GAD1: variants seen among roughly 807,000 people sequenced by gnomAD.
GAD1 encodes glutamate decarboxylase 1.
In GAD1, 35 loss-of-function variants were observed where a neutral mutation model predicts 75.2. The observed-to-expected ratio is 0.47, with a 90% CI of 0.36 to 0.62. The LOEUF (loss-of-function observed/expected upper bound fraction) is 0.62, where lower values mean the gene tolerates loss of function less well. Ranked by LOEUF, GAD1 falls within the 20% of genes least tolerant of loss-of-function variation. The pLI, the probability that GAD1 is intolerant of heterozygous loss-of-function variation, is 0.00. For missense variants in GAD1, 490 were observed against 758.5 expected, an observed-to-expected ratio of 0.65 and a Z score of 4.16; for synonymous variants, 257 against 271.9, an observed-to-expected ratio of 0.95 and a Z score of 0.54.
chr2:170,859,678 T>C (rs947702524), intron 16 of GAD1, 31 bp from the exon 17 acceptor site: 2 of 1,611,922 alleles, frequency 1.2e-6, no homozygotes, highest in African/African-American at 2.7e-5. Context: ...CATATCAATC[T>C]TGAGTTTTGT....
At chr2:170,819,256 G>T (rs544977205) in intron 2 of GAD1, among the ~76,000 whole-genome samples, 1 of 151,620 alleles carries the variant, frequency 6.6e-6, no homozygotes, top group Non-Finnish European at 1.5e-5. Flanking sequence ...CTGAGACTGA[G>T]CCTTGACATT....
chr2:170,823,649 A>AC (rs1701951430), intron 3 of GAD1, among the ~76,000 whole-genome samples: 1 of 34,752 alleles, frequency 2.9e-5, no homozygotes, highest in East Asian at 8.8e-4. Flanking sequence ...TCCCACTCCC[A>AC]CCCCCACCTC....
chr2:170,815,703 C>T (rs1489986783), upstream of GAD1, among the ~76,000 whole-genome samples: 1 of 152,136 alleles, frequency 6.6e-6, no homozygotes, highest in African/African-American at 2.4e-5. Flanking sequence ...CACGCACAGA[C>T]ATCAACATTT....
chr2:170,837,705 TAACAA>T (rs1702411040), intron 6 of GAD1, among the ~76,000 whole-genome samples: 1 of 152,102 alleles, frequency 6.6e-6, no homozygotes, highest in Admixed American at 6.5e-5. Context: ...CAAAGGAAAA[TAACAA>T]AACAAATATC....
intron 11 of GAD1, 21 bp downstream of exon 11, chr2:170,847,813 G>A: frequency 6.5e-7 from 1 of 1,529,838 alleles, no homozygotes; most frequent in African/African-American, 1.4e-5. Context: ...TATAACTCAG[G>A]CCAGTCCATG....
intron 2 of GAD1, among the ~76,000 whole-genome samples, chr2:170,820,231 AC>A (rs1164508847): frequency 2.6e-5 from 4 of 151,814 alleles, no homozygotes; most frequent in African/African-American, 4.8e-5. Context: ...CGGCGCCCTT[AC>A]GGAATTCCCG....
intron 5 of GAD1, among the ~76,000 whole-genome samples, chr2:170,836,117 T>C (rs1394486787): frequency 6.6e-6 from 1 of 151,938 alleles, no homozygotes; most frequent in Non-Finnish European, 1.5e-5. Flanking sequence ...TTTTCTTTTT[T>C]TTTTTTTCAG....
intron 12 of GAD1, among the ~76,000 whole-genome samples, chr2:170,852,080 A>C (rs930451989): frequency 5.9e-5 from 9 of 152,172 alleles, no homozygotes; most frequent in South Asian, 2.1e-4. Flanking sequence ...GTTACAAAAA[A>C]GGGCTGTGCA....
At chr2:170,822,187 G>A (rs1701903448) in intron 3 of GAD1, 38 bp downstream of exon 3, 6 of 1,576,082 alleles carry the variant, frequency 3.8e-6, no homozygotes, top group Non-Finnish European at 5.2e-6. Flanking sequence ...GCTGGGTGGC[G>A]CGGCGGGCGG....
In GAD1 at chr2:170,818,409, C is replaced by G; in HGVS notation, c.-63-120C>G. On this transcript the variant is annotated intron_variant, in intron 1 of 16. Coordinates refer to ENST00000358196, the MANE Select transcript of GAD1 (RefSeq NM_000817.3). This position sits in a 1 kb window ranked among gnomAD's most constrained non-coding sequence, Gnocchi z 5.9. ...ACCAGGCAGGCTCGCTGCCTTTCCT[C>G]CCTCTTGTCTCTCCAGAGCCGGATC... 1 of 651,598 alleles carries G rather than the reference C, an allele frequency of 1.5e-6. No individual in the cohort carries two copies. Among genetic ancestry groups the G allele is most frequent in the Non-Finnish European group, 2.8e-6 (1 of 359,144 alleles). 40.4% of individuals were successfully genotyped at this position (651,598 alleles called of 1,614,324 possible).
chr2:170,850,585 G>A (rs530371239), intron 12 of GAD1, among the ~76,000 whole-genome samples: 1 of 152,250 alleles, frequency 6.6e-6, no homozygotes, highest in Middle Eastern at 3.4e-3. Context: ...GCCCGCCCAG[G>A]GCTTCTCCCA....
upstream of GAD1, among the ~76,000 whole-genome samples, chr2:170,814,259 ACTGTCAGGAGGGAGGAGGG>A (rs1701658153): frequency 6.6e-6 from 1 of 152,220 alleles, no homozygotes; most frequent in Admixed American, 6.5e-5. Context: ...AACAGCAGTT[ACTGTCAGGAGGGAGGAGGG>A]CTGGGGCGAG....
intron 2 of GAD1, among the ~76,000 whole-genome samples, chr2:170,821,151 G>A (rs769668201): frequency 4.4e-4 from 67 of 152,282 alleles, no homozygotes; most frequent in Non-Finnish European, 7.5e-4. Context: ...GCGAGTGCTT[G>A]GAGAGGTTTG....
intron 3 of GAD1, among the ~76,000 whole-genome samples, chr2:170,827,303 G>A (rs142108027): frequency 6.6e-6 from 1 of 152,346 alleles, no homozygotes; most frequent in African/African-American, 2.4e-5. Context: ...TCTGCCTTGT[G>A]ACACGTGTGA....
intron 12 of GAD1, among the ~76,000 whole-genome samples, chr2:170,849,922 CTAACT>C (rs1245586554): frequency 6.6e-6 from 1 of 152,224 alleles, no homozygotes; most frequent in African/African-American, 2.4e-5. Context: ...CACTCAGCTC[CTAACT>C]TATTTTCTTT....
intron 3 of GAD1, among the ~76,000 whole-genome samples, chr2:170,823,199 C>CTA (rs1701937038): frequency 6.6e-6 from 1 of 152,200 alleles, no homozygotes; most frequent in African/African-American, 2.4e-5. Flanking sequence ...AGCTCCTGCG[C>CTA]GCGGGAGATA....
In GAD1 at chr2:170,830,961, G is replaced by A. The variant is rs1702205275; in HGVS notation, c.316G>A (p.Ala106Thr). 3.7e-6 allele frequency: 6 copies of A among 1,614,080 alleles called. No homozygotes were observed. Among genetic ancestry groups the A allele is most frequent in the Non-Finnish European group, 2.5e-6 (3 of 1,180,048 alleles). Reference protein sequence around the residue: ...SNLFARDLLPAKNGEEQTVQF... With the variant: ...SNLFARDLLPTKNGEEQTVQF... ...TCTCCCCAATTCAGATCTGCTTCCG[G>A]CTAAGAACGGTGAGGAGCAAACCGT... The change falls in exon 5 of 17, where the codon GCT becomes ACT. Residue 106 changes from alanine (A) to threonine (T), a missense_variant. By Grantham distance (58) the Ala-to-Thr change is moderately conservative. Transcript: ENST00000358196.
In GAD1 at chr2:170,849,461, A is replaced by C; in HGVS notation, c.1184+111A>C. ...GATCCCCAGCATCATATTTCGGTCT[A>C]AGTTTGCTTCAGTTCAGCAGGCATT... is the stretch of plus-strand genomic sequence containing the variant. On this transcript the variant is annotated intron_variant, in intron 12 of 16. Transcript: ENST00000358196. The C allele has an allele frequency of 2.9e-6, 3 of 1,043,390 alleles. No individual in the cohort carries two copies. The South Asian group carries it at 4.0e-5, about 14-fold the overall frequency. 64.6% of individuals were successfully genotyped at this position (1,043,390 alleles called of 1,614,324 possible). A position where few individuals can be genotyped will look rare whatever the true frequency, so the allele number is the denominator to read the frequency against.
upstream of GAD1, among the ~76,000 whole-genome samples, chr2:170,815,724 G>GA (rs1214160147): frequency 6.6e-6 from 1 of 152,068 alleles, no homozygotes; most frequent in Non-Finnish European, 1.5e-5. Context: ...TTGCCCTAAA[G>GA]AAAAAAACTG....
Sources: gnomAD v4.1 joint callset for allele counts (sites outside exome capture counted in the v4.1 genomes callset) on GRCh38, gnomAD v4.1.1 for gene constraint, Gnocchi (gnomAD v3.1) non-coding constraint, MANE v1.5 for transcripts, NCBI Gene and HGNC (gene_info 2026-07-23, HGNC 2026-07-21) for gene names.